The following PHEX variants were observed in gnomAD, a reference collection of about 807,000 sequenced individuals.
PHEX encodes the protein phosphate-regulating neutral endopeptidase PHEX.
In PHEX, 16 loss-of-function variants were observed where a neutral mutation model predicts 68.0. That is an observed-to-expected ratio of 0.24 (90% CI 0.16 to 0.36). PHEX has a LOEUF of 0.36. Among genes scored for constraint, PHEX ranks in the 10% least tolerant of loss-of-function variants. The pLI is 1.00. For missense variants in PHEX, 480 were observed against 575.5 expected, an observed-to-expected ratio of 0.83 and a Z score of 1.70; for synonymous variants, 208 against 205.1, an observed-to-expected ratio of 1.01 and a Z score of -0.12.
At chrX:22,115,945 T>G (rs1359292715) in intron 11 of PHEX, among the ~76,000 whole-genome samples, 1 of 112,547 alleles carries the variant, frequency 8.9e-6, no homozygotes, top group African/African-American at 3.2e-5. Flanking sequence ...TTCCATATAC[T>G]GATTTTACTT....
chrX:22,181,305 G>A (rs968675207), intron 14 of PHEX, among the ~76,000 whole-genome samples: 1 of 111,985 alleles, frequency 8.9e-6, no homozygotes, highest in African/African-American at 3.2e-5. Flanking sequence ...TTTAACTGGG[G>A]TAAGATGATA....
chrX:22,044,835 A>G (rs1310411520), intron 2 of PHEX, among the ~76,000 whole-genome samples: 5 of 111,446 alleles, frequency 4.5e-5, no homozygotes, highest in African/African-American at 1.3e-4. Flanking sequence ...TTTGAAATTT[A>G]TCAAACTTCT....
intron 15 of PHEX, among the ~76,000 whole-genome samples, chrX:22,198,971 A>G (rs1934464507): frequency 9.0e-6 from 1 of 111,166 alleles, no homozygotes; most frequent in Admixed American, 9.6e-5. Context: ...AAGAGAGTGT[A>G]TGCAGGGGAA....
chrX:22,129,351 G>A (rs1350820465), intron 11 of PHEX, among the ~76,000 whole-genome samples: 10 of 112,016 alleles, frequency 8.9e-5, no homozygotes. Context: ...AAGCAAAATC[G>A]TGAATAAGGG....
intron 12 of PHEX, among the ~76,000 whole-genome samples, chrX:22,140,606 C>T (rs1365300248): frequency 1.8e-5 from 2 of 110,624 alleles, no homozygotes; most frequent in African/African-American, 6.6e-5. Context: ...CTCAGCCTCC[C>T]GAGTAGCTGG....
At position 22,204,537 on chromosome X, in the gene PHEX, G is replaced by A. The variant is rs149158982; in HGVS notation, c.1646-8367G>A. On this transcript the variant is annotated intron_variant, in intron 15 of 21. Transcript: ENST00000379374. ...TCCTTTCTCCCTCACTAGATTGTAGGTTCTCTGAGGACATTTGTTTGTTCG... is the reference window on the plus strand; with the variant it reads ...TCCTTTCTCCCTCACTAGATTGTAGATTCTCTGAGGACATTTGTTTGTTCG... 8.9e-3 allele frequency among the ~76,000 whole-genome samples: 991 copies of A among 111,798 alleles called. 11 individuals carry two copies. The highest frequency in any genetic ancestry group is 0.03 in the African/African-American group (926 of 30,792).
chrX:22,192,363 AC>A (rs1430999732), intron 15 of PHEX, among the ~76,000 whole-genome samples: 1 of 110,009 alleles, frequency 9.1e-6, no homozygotes, highest in South Asian at 3.9e-4. Flanking sequence ...TTTTGTTCTT[AC>A]CCCCCTTCAG....
chrX:22,040,648 C>T (rs1193060484), intron 2 of PHEX, among the ~76,000 whole-genome samples: 1 of 111,146 alleles, frequency 9.0e-6, no homozygotes, highest in East Asian at 2.8e-4. Flanking sequence ...CAAGGGCTTT[C>T]CAGGTGGGGG....
At chrX:22,102,318 T>C (rs767812797) in intron 9 of PHEX, among the ~76,000 whole-genome samples, 1 of 112,076 alleles carries the variant, frequency 8.9e-6, no homozygotes, top group South Asian at 3.7e-4. Flanking sequence ...AGTGAGAACA[T>C]GTGAAGTTTG....
chrX:22,192,521 T>C (rs1370710137), intron 15 of PHEX, among the ~76,000 whole-genome samples: 1 of 111,900 alleles, frequency 8.9e-6, no homozygotes, highest in African/African-American at 3.2e-5. Flanking sequence ...CTGTTATCTT[T>C]CTGCCTGTAC....
Position 22,240,216 on chromosome X carries a change from G to T in PHEX, c.2071-5117G>T, listed in dbSNP as rs193285838. ...GAGAGATTTTGTCACCACCAGGCCT[G>T]CCTTACAAGAGCTCCGCAAAGAAGC... On this transcript the variant is annotated intron_variant, in intron 20 of 21. Transcript: ENST00000379374. Among the ~76,000 whole-genome samples, 11 of 112,264 alleles carry T rather than the reference G, an allele frequency of 9.8e-5. No individual in the cohort carries two copies. The East Asian group carries it at 1.9e-3, about 20-fold the overall frequency.
intron 20 of PHEX, among the ~76,000 whole-genome samples, chrX:22,231,559 A>G (rs1935737249): frequency 9.1e-6 from 1 of 109,843 alleles, no homozygotes; most frequent in Non-Finnish European, 1.9e-5. Context: ...TTATTTGCAT[A>G]GAGGTGTTTA....
intron 17 of PHEX, among the ~76,000 whole-genome samples, chrX:22,219,625 T>TAATTATTATC (rs546134812): frequency 1.8e-5 from 2 of 110,300 alleles, no homozygotes; most frequent in African/African-American, 6.7e-5. Flanking sequence ...TTATTATTAT[T>TAATTATTATC]ATTATCATTA....
chrX:22,229,995 A>AG (rs1935655793), intron 20 of PHEX, among the ~76,000 whole-genome samples: 1 of 111,605 alleles, frequency 9.0e-6, no homozygotes. Flanking sequence ...TTTATTAAAT[A>AG]GGGAATCCTT....
intron 12 of PHEX, among the ~76,000 whole-genome samples, chrX:22,147,730 A>G (rs961737713): frequency 3.6e-5 from 4 of 111,735 alleles, no homozygotes; most frequent in African/African-American, 1.3e-4. Flanking sequence ...AGAGGAAACA[A>G]TGTTAGGAAG....
chrX:22,083,049 C>A (rs1044343686), intron 5 of PHEX, among the ~76,000 whole-genome samples: 2 of 111,629 alleles, frequency 1.8e-5, no homozygotes, highest in Non-Finnish European at 3.8e-5. Context: ...AGCTGCACAC[C>A]AACAACCATC....
chrX:22,078,629 G>A (rs906127831), intron 5 of PHEX, among the ~76,000 whole-genome samples: 1 of 111,775 alleles, frequency 8.9e-6, no homozygotes, highest in African/African-American at 3.2e-5. Context: ...GCTGGTCATC[G>A]TTTGATCAGA....
Position 22,249,455 on chromosome X carries a change from A to AAAAAAAAAAAATAT in PHEX, c.*1503_*1504insAAAAAAAAAATATA. The AAAAAAAAAAAATAT allele has an allele frequency of 2.5e-5, 1 of 39,764 alleles. No homozygotes were observed. Among genetic ancestry groups the AAAAAAAAAAAATAT allele is most frequent in the African/African-American group, 1.7e-4 (1 of 6,007 alleles). The allele number at this position is 39,764 out of a possible 1,213,427, so 3.3% of individuals were successfully genotyped here. A position where few individuals can be genotyped will look rare whatever the true frequency, so the allele number is the denominator to read the frequency against. ...TTGTGATTCTTTTAAAAAAAAAAAA[A>AAAAAAAAAAAATAT]ATATATATATATATATATATATATA... is the stretch of plus-strand genomic sequence containing the variant. On this transcript the variant is annotated 3_prime_UTR_variant, in exon 22 of 22. Coordinates refer to ENST00000379374, the MANE Select transcript of PHEX (RefSeq NM_000444.6).
At chrX:22,115,212 T>G (rs1931182941) in intron 11 of PHEX, among the ~76,000 whole-genome samples, 1 of 111,224 alleles carries the variant, frequency 9.0e-6, no homozygotes, top group South Asian at 3.8e-4. Context: ...GCACCTGTAA[T>G]CCCAGCTATT....
Sources: allele counts gnomAD v4.1 joint callset (sites outside exome capture counted in the v4.1 genomes callset), GRCh38; gene constraint gnomAD v4.1.1; transcripts MANE v1.5; gene names NCBI Gene and HGNC (gene_info 2026-07-23, HGNC 2026-07-21).